The following UBA6 variants were observed in gnomAD, a reference collection of about 807,000 sequenced individuals.
UBA6 encodes the protein ubiquitin like modifier activating enzyme 6.
In UBA6, 87 loss-of-function variants were observed where a neutral mutation model predicts 148.3. The ratio of observed to expected loss-of-function variants is 0.59; its 90% confidence interval spans 0.49 to 0.70. The LOEUF (loss-of-function observed/expected upper bound fraction) is 0.70, where lower values mean the gene tolerates loss of function less well. Ranked by LOEUF, UBA6 falls within the 30% of genes least tolerant of loss-of-function variation. UBA6 has a pLI of 0.00. For synonymous variants in UBA6, 376 were observed against 401.0 expected (o/e 0.94, Z 0.75); for missense variants, 1,186 against 1,241.2 (o/e 0.96, Z 0.67).
At chr4:67,649,369 A>C (rs1257432699) in intron 13 of UBA6, among the ~76,000 whole-genome samples, 158 bp from the exon 14 acceptor site, 1 of 152,240 alleles carries the variant, frequency 6.6e-6, no homozygotes, top group African/African-American at 2.4e-5. Context: ...TCATGATAAC[A>C]GACCCATTTG....
chr4:67,639,435 A>T (rs1302387389), intron 18 of UBA6, among the ~76,000 whole-genome samples: 5 of 152,194 alleles, frequency 3.3e-5, no homozygotes, highest in African/African-American at 1.2e-4. Flanking sequence ...ATTTTTCCCT[A>T]GTAATGATGT....
chr4:67,679,637 G>A (rs1730382514), intron 4 of UBA6, among the ~76,000 whole-genome samples: 1 of 151,752 alleles, frequency 6.6e-6, no homozygotes, highest in South Asian at 2.1e-4. Flanking sequence ...AATATAATAG[G>A]ATAAAGAATA....
chr4:67,661,109 C>T (rs141461785), intron 13 of UBA6, among the ~76,000 whole-genome samples: 3,029 of 152,218 alleles, frequency 0.02, 60 homozygotes, highest in Non-Finnish European at 0.03. Context: ...TTTACAGGCT[C>T]ATAGGTGGAA....
At chr4:67,640,871 CCTTT>C (rs1330158554) in intron 18 of UBA6, among the ~76,000 whole-genome samples, 2 of 152,248 alleles carry the variant, frequency 1.3e-5, no homozygotes, top group African/African-American at 4.8e-5. Context: ...CTATATACTT[CCTTT>C]CTAAAATTGA....
chr4:67,697,504 G>C (rs940294060), intron 1 of UBA6, among the ~76,000 whole-genome samples: 1 of 152,170 alleles, frequency 6.6e-6, no homozygotes. Context: ...TAACTATTCT[G>C]ATGTCTTAAC....
chr4:67,663,606 C>T (rs1729917524), intron 11 of UBA6: 1 of 440,488 alleles, frequency 2.3e-6, no homozygotes, highest in Admixed American at 3.9e-5. Flanking sequence ...CATCTTTGTA[C>T]AAGTTATTGA....
chr4:67,653,795 G>A (rs936473061), intron 13 of UBA6, among the ~76,000 whole-genome samples: 3 of 152,154 alleles, frequency 2.0e-5, no homozygotes, highest in Admixed American at 6.6e-5. Flanking sequence ...TTGAAAAAGG[G>A]TTAGAAGAAT....
intron 8 of UBA6, among the ~76,000 whole-genome samples, 191 bp from the exon 9 acceptor site, chr4:67,668,865 T>C (rs1336074083): frequency 6.6e-6 from 1 of 152,204 alleles, no homozygotes; most frequent in Non-Finnish European, 1.5e-5. Context: ...TTACTATTTT[T>C]TAAATGAATG....
intron 19 of UBA6, among the ~76,000 whole-genome samples, chr4:67,636,912 C>T (rs1729162289): frequency 2.0e-5 from 3 of 150,186 alleles, no homozygotes; most frequent in East Asian, 2.0e-4. Context: ...GTGAGGAGCG[C>T]CTCTTCCCGG....
At position 67,624,116 on chromosome 4, in the gene UBA6, T is replaced by C. The variant is rs1728811648; in HGVS notation, c.2840+10A>G. 4 of 1,569,034 alleles carry C rather than the reference T, an allele frequency of 2.5e-6. No individual in the cohort carries two copies. The highest frequency in any genetic ancestry group is 2.3e-5 in the East Asian group (1 of 44,056). On this transcript the variant is annotated intron_variant, in intron 30 of 32. Coordinates refer to ENST00000322244, the MANE Select transcript of UBA6 (RefSeq NM_018227.6). Reference sequence around the variant, plus strand: ...CTCATTATACAAGAGAAATAGACTTTCATACATACCTGATTTTAGTTTTCC... The same window carrying C: ...CTCATTATACAAGAGAAATAGACTTCCATACATACCTGATTTTAGTTTTCC...
At chr4:67,654,697 A>G (rs1455916756) in intron 13 of UBA6, among the ~76,000 whole-genome samples, 1 of 148,334 alleles carries the variant, frequency 6.7e-6, no homozygotes, top group African/African-American at 2.4e-5. Context: ...TATTAACCTT[A>G]AATGTAAATG....
chr4:67,692,640 T>C lies in UBA6; in HGVS notation c.134+4005A>G, dbSNP rs76828669. Among the ~76,000 whole-genome samples, 1,429 of 152,290 alleles carry C rather than the reference T, an allele frequency of 9.4e-3. 18 individuals are homozygous for C. Among genetic ancestry groups the C allele is most frequent in the African/African-American group, 0.033 (1,351 of 41,548 alleles). The stretch of plus-strand genomic sequence containing the variant: ...AGAACTTTTAAAGTTCTTTTGCTAT[T>C]GGACAATACACCTGGCCACCCAGAA... On this transcript the variant is annotated intron_variant, in intron 2 of 32. Coordinates refer to ENST00000322244, the MANE Select transcript of UBA6 (RefSeq NM_018227.6).
At chr4:67,672,693 T>C (rs189120003) in intron 7 of UBA6, among the ~76,000 whole-genome samples, 10 of 152,304 alleles carry the variant, frequency 6.6e-5, no homozygotes, top group Admixed American at 5.9e-4. Context: ...CCTGTTTGCC[T>C]CTTATTGTTC....
At position 67,613,903 on chromosome 4, in the gene UBA6, C is replaced by T. The variant is rs903742537; in HGVS notation, c.*5094G>A. On this transcript the variant is annotated 3_prime_UTR_variant, in exon 33 of 33. Transcript: ENST00000322244. ...TCTGCCATATCTTGAAATGGCCCTG[C>T]AAAGCCATCCCTTGTGGGAAAAATC... The T allele has an allele frequency of 2.6e-5, 4 of 152,130 alleles. No homozygotes were observed. Among genetic ancestry groups the T allele is most frequent in the African/African-American group, 9.7e-5 (4 of 41,446 alleles). 9.4% of individuals were successfully genotyped at this position (152,130 alleles called of 1,614,324 possible).
chr4:67,668,758 A>G, intron 8 of UBA6, 84 bp from the exon 9 acceptor site: 2 of 1,339,234 alleles, frequency 1.5e-6, no homozygotes, highest in Admixed American at 2.5e-5. Context: ...AAAAATGACA[A>G]AGTTACCATA....
rs745644328 is a variant in UBA6, at chr4:67,665,284, G to A, written c.802C>T (p.Pro268Ser). Residue 268 changes from proline (P) to serine (S), a missense_variant, in exon 10 of 33, where the codon CCA (proline) becomes TCA (serine). Coordinates refer to ENST00000322244, the MANE Select transcript of UBA6 (RefSeq NM_018227.6). ...GTGTCACCAATACTAAAAGAAAATG[G>A]CGATATCACTAGAAGACAAAAAATT... ...GSIQQITVIS[P>S]FSFSIGDTTE... is the part of the protein sequence containing the mutation. The A allele has an allele frequency of 6.3e-7, 1 of 1,593,206 alleles. No individual in the cohort carries two copies. Among genetic ancestry groups the A allele is most frequent in the East Asian group, 2.3e-5 (1 of 44,268 alleles).
chr4:67,626,645 T>C (rs1728876335), intron 27 of UBA6, among the ~76,000 whole-genome samples, 168 bp from the exon 28 acceptor site: 1 of 151,904 alleles, frequency 6.6e-6, no homozygotes, highest in Admixed American at 6.6e-5. Context: ...TAGAAGGTAT[T>C]ATTATGTTAT....
intron 28 of UBA6, among the ~76,000 whole-genome samples, chr4:67,626,048 C>T (rs2109896300): frequency 6.6e-6 from 1 of 151,952 alleles, no homozygotes; most frequent in Non-Finnish European, 1.5e-5. Flanking sequence ...TCCTTAAAAA[C>T]AGAGCTTTTC....
Position 67,665,227 on chromosome 4 carries a change from T to C in UBA6, c.859A>G (p.Ile287Val). The change falls in exon 10 of 33, where the codon ATA becomes GTA. Residue 287 changes from isoleucine (I) to valine (V), a missense_variant. Ile to Val is a conservative substitution (Grantham distance 29). Coordinates refer to ENST00000322244, the MANE Select transcript of UBA6 (RefSeq NM_018227.6). ...TELEPYLHGG[I>V]AVQVKTPKTV... is the part of the protein sequence containing the mutation. Reference sequence around the variant, plus strand: ...TTAGGAGTCTTAACTTGGACAGCTATGCCTCCATGTAAATATGGTTCCAGT... The same window carrying C: ...TTAGGAGTCTTAACTTGGACAGCTACGCCTCCATGTAAATATGGTTCCAGT... 6.2e-7 allele frequency: 1 copy of C among 1,607,416 alleles called. No homozygotes were observed. Among genetic ancestry groups the C allele is most frequent in the Non-Finnish European group, 8.5e-7 (1 of 1,178,008 alleles).
Sources: allele counts gnomAD v4.1 joint callset (sites outside exome capture counted in the v4.1 genomes callset), GRCh38; gene constraint gnomAD v4.1.1; transcripts MANE v1.5; gene names NCBI Gene and HGNC (gene_info 2026-07-23, HGNC 2026-07-21).